The following CA1 variants were observed in gnomAD, a reference collection of about 807,000 sequenced individuals.
CA1 encodes the protein carbonic anhydrase 1.
A neutral mutation model predicts 28.8 loss-of-function variants in CA1; 27 were observed. The observed-to-expected ratio is 0.94, with a 90% CI of 0.69 to 1.29. The LOEUF (loss-of-function observed/expected upper bound fraction) is 1.29. CA1 is among the 50% of genes most tolerant of loss of function. CA1 has a pLI of 0.00. For synonymous variants in CA1, 121 were observed against 108.8 expected (o/e 1.11, Z -0.70); for missense variants, 335 against 310.5 (o/e 1.08, Z -0.59).
In CA1 at chr8:85,329,766, A is replaced by G. The variant is rs745520186; in HGVS notation, c.592T>C (p.Ser198Pro). 5.0e-6 allele frequency: 8 copies of G among 1,606,392 alleles called. No individual in the cohort carries two copies. In the East Asian group the frequency reaches 1.8e-4, roughly 36 times the overall value. ...TCATAAAGAGGAGGATGAGTCAGAG[A>G]GCCAGGGTAGGTCCAGAAATCCAGG... ...SSLDFWTYPG[S>P]LTHPPLYESV... Residue 198 changes from serine (S) to proline (P), a missense_variant, in exon 7 of 8, where the codon TCT (serine) becomes CCT (proline). Transcript: ENST00000523022.
chr8:85,376,013 C>T (rs1564055230), intron 1 of CA1, among the ~76,000 whole-genome samples: 1 of 152,154 alleles, frequency 6.6e-6, no homozygotes, highest in Non-Finnish European at 1.5e-5. Context: ...GAGGGAATTT[C>T]AACTATCAAA....
At position 85,377,558 on chromosome 8, in the gene CA1, A is replaced by C. The variant is rs145718912; in HGVS notation, c.-25+488T>G. Among the ~76,000 whole-genome samples the C allele has an allele frequency of 8.0e-3, 1,225 of 152,344 alleles. 17 individuals carry two copies. Among genetic ancestry groups the C allele is most frequent in the African/African-American group, 0.028 (1,149 of 41,582 alleles). Reference sequence around the variant, plus strand: ...AGTGGCTCACGCCTCTAGTCCCAGCACTTTGGGAGGCTGAGGAGGGCAGAT... The same window carrying C: ...AGTGGCTCACGCCTCTAGTCCCAGCCCTTTGGGAGGCTGAGGAGGGCAGAT... On this transcript the variant is annotated intron_variant, in intron 1 of 7. Coordinates refer to ENST00000523022, the MANE Select transcript of CA1 (RefSeq NM_001128831.4).
intron 7 of CA1, 70 bp from the exon 8 acceptor site, chr8:85,328,746 A>C: frequency 1.1e-6 from 1 of 875,138 alleles, no homozygotes. Context: ...TTACAGGATT[A>C]CTAACGCACT....
At chr8:85,347,181 T>C (rs1330211567) in intron 1 of CA1, among the ~76,000 whole-genome samples, 2 of 152,224 alleles carry the variant, frequency 1.3e-5, no homozygotes, top group Non-Finnish European at 2.9e-5. Flanking sequence ...AAAATACATT[T>C]GTAATGACAT....
At chr8:85,334,454 A>G (rs1808553190) in intron 4 of CA1, among the ~76,000 whole-genome samples, 1 of 152,136 alleles carries the variant, frequency 6.6e-6, no homozygotes, top group African/African-American at 2.4e-5. Flanking sequence ...TTTGTCTTGA[A>G]TTAGGGTTGA....
chr8:85,370,810 A>G (rs552607553), intron 1 of CA1, among the ~76,000 whole-genome samples: 130 of 152,312 alleles, frequency 8.5e-4, no homozygotes, highest in Non-Finnish European at 1.4e-3. Context: ...AAAGATGCAC[A>G]ATTTCAAATT....
At chr8:85,346,782 T>G (rs1809209985) in intron 1 of CA1, among the ~76,000 whole-genome samples, 1 of 151,140 alleles carries the variant, frequency 6.6e-6, no homozygotes, top group Non-Finnish European at 1.5e-5. Flanking sequence ...AAATAAATAA[T>G]AAAATTCTGC....
At chr8:85,362,824 T>TG (rs1554700525) in intron 1 of CA1, among the ~76,000 whole-genome samples, 1 of 152,218 alleles carries the variant, frequency 6.6e-6, no homozygotes, top group Non-Finnish European at 1.5e-5. Context: ...TTGAAATTTT[T>TG]AGGCAGATAA....
chr8:85,330,130 C>A (rs539231585), intron 6 of CA1, among the ~76,000 whole-genome samples: 1 of 152,214 alleles, frequency 6.6e-6, no homozygotes, highest in Admixed American at 6.5e-5. Flanking sequence ...ATCTTTTTTA[C>A]AATCTATATC....
intron 1 of CA1, among the ~76,000 whole-genome samples, chr8:85,356,778 A>G (rs537981515): frequency 8.3e-4 from 126 of 152,334 alleles, no homozygotes; most frequent in Admixed American, 2.2e-3. Flanking sequence ...AAGCTGCTTT[A>G]TGGAAGAGTA....
At chr8:85,358,528 G>A (rs918268760) in intron 1 of CA1, among the ~76,000 whole-genome samples, 1 of 152,126 alleles carries the variant, frequency 6.6e-6, no homozygotes, top group African/African-American at 2.4e-5. Context: ...TGATTAAAAG[G>A]AAGACTATGC....
chr8:85,373,104 A>G (rs1810290288), intron 1 of CA1, among the ~76,000 whole-genome samples: 1 of 152,204 alleles, frequency 6.6e-6, no homozygotes, highest in East Asian at 1.9e-4. Context: ...TCTTCTATCC[A>G]GGTAATTGTG....
intron 4 of CA1, 143 bp downstream of exon 4, chr8:85,336,802 T>G (rs1205974948): frequency 2.8e-6 from 2 of 709,584 alleles, no homozygotes; most frequent in East Asian, 5.3e-5. Flanking sequence ...GTGTCTGTGC[T>G]TGATTTTAAT....
intron 1 of CA1, among the ~76,000 whole-genome samples, chr8:85,344,240 ATAATTATATAT>A (rs1809064440): frequency 1.0e-5 from 1 of 96,750 alleles, no homozygotes; most frequent in Non-Finnish European, 1.8e-5. Context: ...TATATAATAT[ATAATTATATAT>A]TATATACAGT....
chr8:85,346,119 A>G (rs1011266199), intron 1 of CA1, among the ~76,000 whole-genome samples: 4 of 152,220 alleles, frequency 2.6e-5, no homozygotes, highest in Admixed American at 2.6e-4. Flanking sequence ...GCATAAAGAC[A>G]TTCGCAGTGT....
At chr8:85,351,951 A>C (rs1236754656) in intron 1 of CA1, among the ~76,000 whole-genome samples, 1 of 152,242 alleles carries the variant, frequency 6.6e-6, no homozygotes. Flanking sequence ...CAGTGTCTAG[A>C]TGAAGCTAAT....
chr8:85,338,890 A>T (rs1808797487), intron 2 of CA1, among the ~76,000 whole-genome samples: 1 of 151,132 alleles, frequency 6.6e-6, no homozygotes, highest in Non-Finnish European at 1.5e-5. Context: ...ATTTTTTTGT[A>T]TTTTTAGTAG....
chr8:85,371,315 C>T (rs1810218161), intron 1 of CA1, among the ~76,000 whole-genome samples: 1 of 152,096 alleles, frequency 6.6e-6, no homozygotes, highest in South Asian at 2.1e-4. Flanking sequence ...CCTAGGCTTT[C>T]TAGGTCTGTT....
chr8:85,369,764 G>A (rs891090605), intron 1 of CA1, among the ~76,000 whole-genome samples: 1 of 146,994 alleles, frequency 6.8e-6, no homozygotes, highest in African/African-American at 2.7e-5. Flanking sequence ...GCACTATGGT[G>A]GGTTAATCTT....
Sources: gnomAD v4.1 joint callset for allele counts (sites outside exome capture counted in the v4.1 genomes callset) on GRCh38, gnomAD v4.1.1 for gene constraint, MANE v1.5 for transcripts, NCBI Gene and HGNC (gene_info 2026-07-23, HGNC 2026-07-21) for gene names.